The following SLC9C1 variants were observed in gnomAD, a reference collection of about 807,000 sequenced individuals.
SLC9C1 encodes sodium/hydrogen exchanger 10.
A neutral mutation model predicts 140.9 loss-of-function variants in SLC9C1; 97 were observed. The ratio of observed to expected loss-of-function variants is 0.69; its 90% CI spans 0.58 to 0.82. SLC9C1 has a LOEUF of 0.82. SLC9C1 is among the 40% of genes least tolerant of loss of function. The pLI is 0.00. For synonymous variants in SLC9C1, 440 were observed against 442.6 expected, an observed-to-expected ratio of 0.99 and a Z score of 0.07; for missense variants, 1,340 against 1,389.3, an observed-to-expected ratio of 0.96 and a Z score of 0.56.
chr3:112,182,560 TA>T (rs1342230409), intron 20 of SLC9C1, among the ~76,000 whole-genome samples: 5 of 152,162 alleles, frequency 3.3e-5, no homozygotes, highest in Non-Finnish European at 7.4e-5. Flanking sequence ...TGGTACCTCT[TA>T]GGTAGTTTTC....
intron 28 of SLC9C1, among the ~76,000 whole-genome samples, chr3:112,145,389 G>A (rs2074756156): frequency 6.6e-6 from 1 of 152,146 alleles, no homozygotes; most frequent in Non-Finnish European, 1.5e-5. Context: ...TCACATCTAT[G>A]TTGATTGGGA....
intron 13 of SLC9C1, among the ~76,000 whole-genome samples, chr3:112,223,164 C>T (rs1019454380): frequency 6.6e-6 from 1 of 152,036 alleles, no homozygotes; most frequent in African/African-American, 2.4e-5. Context: ...TAAAACAAAA[C>T]TTAAAGTGTG....
intron 20 of SLC9C1, among the ~76,000 whole-genome samples, chr3:112,186,231 G>A (rs1207019985): frequency 1.4e-5 from 2 of 139,310 alleles, no homozygotes; most frequent in African/African-American, 2.7e-5. Flanking sequence ...TAATTTTAAT[G>A]TTATTAAAAT....
At chr3:112,235,318 T>G (rs1008934698) in intron 12 of SLC9C1, among the ~76,000 whole-genome samples, 26 of 145,110 alleles carry the variant, frequency 1.8e-4, no homozygotes, top group Non-Finnish European at 3.2e-4. Context: ...TTTTGCACAT[T>G]GATTTTGTAT....
In SLC9C1 at chr3:112,289,224, T is replaced by C. The variant is rs76606296; in HGVS notation, c.-87-2346A>G. On this transcript the variant is annotated intron_variant, in intron 1 of 28. Transcript: ENST00000305815. ...GTAGTTAACAAGTTTTGTTTGTTAT[T>C]TATTTGTTGCGGTGAAGGAGATGAC... Among the ~76,000 whole-genome samples, 1,408 of 152,328 alleles carry C rather than the reference T, an allele frequency of 9.2e-3. 57 individuals are homozygous for C. Among genetic ancestry groups the C allele is most frequent in the East Asian group, 0.068 (354 of 5,186 alleles).
In SLC9C1 at chr3:112,270,000, G is replaced by T. The variant is rs1289970654; in HGVS notation, c.691C>A (p.Gln231Lys). 2 of 1,601,028 alleles carry T rather than the reference G, an allele frequency of 1.2e-6. No individual in the cohort carries two copies. Among genetic ancestry groups the T allele is most frequent in the East Asian group, 4.5e-5 (2 of 44,016 alleles). The change falls in exon 7 of 29, where the codon CAA (glutamine) becomes AAA (lysine). Residue 231 changes from glutamine (Q) to lysine (K), a missense_variant. Gln to Lys is a moderately conservative substitution (Grantham distance 53, BLOSUM62 1). Transcript: ENST00000305815. ...LFGILSSKLI[Q>K]FWMSTVFGDD... ...CCAAAAACAGTTGACATCCAAAATTGAATCAGTTTTGAACTTAGAATTCCA... is the reference window on the plus strand; with the variant it reads ...CCAAAAACAGTTGACATCCAAAATTTAATCAGTTTTGAACTTAGAATTCCA...
At chr3:112,175,020 C>A (rs1418034501) in intron 23 of SLC9C1, among the ~76,000 whole-genome samples, 1 of 152,164 alleles carries the variant, frequency 6.6e-6, no homozygotes, top group Admixed American at 6.5e-5. Flanking sequence ...AGGGCAAGGG[C>A]TGCAAGACAG....
At chr3:112,275,388 A>G (rs1287199640) in intron 5 of SLC9C1, among the ~76,000 whole-genome samples, 1 of 152,196 alleles carries the variant, frequency 6.6e-6, no homozygotes. Context: ...AAGCTTTATA[A>G]CATGACATCC....
At chr3:112,142,462 T>A (rs879733790) in intron 28 of SLC9C1, among the ~76,000 whole-genome samples, 20 of 152,178 alleles carry the variant, frequency 1.3e-4, no homozygotes, top group Non-Finnish European at 2.5e-4. Context: ...AATTCTTTTT[T>A]TGGACCATTC....
At chr3:112,214,457 C>T (rs1003512345) in intron 15 of SLC9C1, among the ~76,000 whole-genome samples, 2 of 151,952 alleles carry the variant, frequency 1.3e-5, no homozygotes, top group Non-Finnish European at 1.5e-5. Context: ...ATTGATAGAC[C>T]ACTAGCAAGA....
At chr3:112,184,930 T>C (rs975700152) in intron 20 of SLC9C1, among the ~76,000 whole-genome samples, 7 of 152,184 alleles carry the variant, frequency 4.6e-5, no homozygotes, top group Middle Eastern at 3.4e-3. Context: ...ACCTTTGACC[T>C]ACCACTTGGT....
At chr3:112,282,558 G>A (rs926541704) in intron 2 of SLC9C1, among the ~76,000 whole-genome samples, 2 of 152,116 alleles carry the variant, frequency 1.3e-5, no homozygotes, top group Non-Finnish European at 1.5e-5. Flanking sequence ...AGTTTTGATG[G>A]AAATCACTAG....
chr3:112,242,633 TAGTC>T (rs1373440452), intron 11 of SLC9C1, among the ~76,000 whole-genome samples: 2 of 152,124 alleles, frequency 1.3e-5, no homozygotes, highest in Non-Finnish European at 1.5e-5. Context: ...AGGGTGACTA[TAGTC>T]AAGAATAATT....
At position 112,242,117 on chromosome 3, in the gene SLC9C1, G is replaced by A. The variant is rs184376837; in HGVS notation, c.1279+1878C>T. ...AAGCAACACCTAATTAAACTAGAGA[G>A]TTTCTGCAAAGCAAAAGAAACTATT... On this transcript the variant is annotated intron_variant, in intron 11 of 28. Transcript: ENST00000305815. Among the ~76,000 whole-genome samples the A allele has an allele frequency of 2.0e-5, 3 of 152,216 alleles. 1 individual carries two copies. In the East Asian group the frequency reaches 5.8e-4, roughly 29 times the overall value.
At chr3:112,142,452 A>C (rs2074658027) in intron 28 of SLC9C1, among the ~76,000 whole-genome samples, 1 of 152,152 alleles carries the variant, frequency 6.6e-6, no homozygotes, top group South Asian at 2.1e-4. Context: ...GTAAGCAATT[A>C]ATTCTTTTTT....
intron 10 of SLC9C1, among the ~76,000 whole-genome samples, chr3:112,246,096 T>A (rs2079276120): frequency 2.0e-5 from 3 of 152,192 alleles, no homozygotes. Flanking sequence ...CAAGCAACCT[T>A]TTTGTTCTTC....
At chr3:112,157,422 CTT>C (rs748115082) in intron 26 of SLC9C1, among the ~76,000 whole-genome samples, 1 of 151,958 alleles carries the variant, frequency 6.6e-6, no homozygotes, top group Non-Finnish European at 1.5e-5. Context: ...GTAATTGTAG[CTT>C]TGTAGTATAG....
intron 10 of SLC9C1, among the ~76,000 whole-genome samples, chr3:112,261,916 T>C (rs897902996): frequency 6.6e-6 from 1 of 152,088 alleles, no homozygotes; most frequent in Non-Finnish European, 1.5e-5. Context: ...CTGACTGATG[T>C]TCTGTTGGTG....
chr3:112,269,284 A>G (rs771049091), intron 7 of SLC9C1, among the ~76,000 whole-genome samples: 1 of 151,976 alleles, frequency 6.6e-6, no homozygotes, highest in Non-Finnish European at 1.5e-5. Context: ...TAGTTTTAAA[A>G]ATTCTTGTAG....
Sources: allele counts gnomAD v4.1 joint callset (sites outside exome capture counted in the v4.1 genomes callset), GRCh38; gene constraint gnomAD v4.1.1; transcripts MANE v1.5; gene names NCBI Gene and HGNC (gene_info 2026-07-23, HGNC 2026-07-21).